LINGO1: variants seen among roughly 807,000 people sequenced by gnomAD.
LINGO1 encodes the protein leucine rich repeat and Ig domain containing 1, also known as leucine-rich repeat and immunoglobulin-like domain-containing nogo receptor-interacting protein 1.
Under a neutral mutation model 37.3 loss-of-function variants are expected in LINGO1, and 11 were observed. The observed-to-expected ratio is 0.29, with a 90% CI of 0.19 to 0.49. The LOEUF (loss-of-function observed/expected upper bound fraction) is 0.49. Ranked by LOEUF, LINGO1 falls within the 20% of genes least tolerant of loss-of-function variation. The pLI is 0.99. For missense variants in LINGO1, 585 were observed against 878.2 expected (o/e 0.67, Z 4.22); for synonymous variants, 387 against 403.0 (o/e 0.96, Z 0.48).
chr15:77,705,674 A>G (rs986796893), intron 2 of LINGO1, among the ~76,000 whole-genome samples: 6 of 152,202 alleles, frequency 3.9e-5, no homozygotes, highest in Admixed American at 3.9e-4. Context: ...ACTTGGAGCT[A>G]ATTTTTTACT....
chr15:77,663,204 A>G (rs756850814), intron 3 of LINGO1, among the ~76,000 whole-genome samples: 7 of 152,212 alleles, frequency 4.6e-5, no homozygotes, highest in Admixed American at 1.3e-4. Context: ...GGTAGAAGGA[A>G]GCAGAGATGT....
At chr15:77,755,473 T>G (rs1047363498) in intron 1 of LINGO1, among the ~76,000 whole-genome samples, 1 of 152,252 alleles carries the variant, frequency 6.6e-6, no homozygotes, top group African/African-American at 2.4e-5. Context: ...TGATTTGTGC[T>G]GTCACGCTGA....
At chr15:77,654,144 T>C (rs1443583938) in intron 3 of LINGO1, among the ~76,000 whole-genome samples, 1 of 152,206 alleles carries the variant, frequency 6.6e-6, no homozygotes, top group Non-Finnish European at 1.5e-5. Flanking sequence ...TGGTAACTGA[T>C]GCACAGGTAG....
chr15:77,663,016 C>CG lies in LINGO1; in HGVS notation c.-13+14072dup, dbSNP rs562692037. 2.0e-5 allele frequency among the ~76,000 whole-genome samples: 3 copies of CG among 152,292 alleles called. 1 individual carries two copies. The South Asian group carries it at 6.2e-4, about 32-fold the overall frequency. On this transcript the variant is annotated intron_variant, in intron 3 of 3. Coordinates refer to the LINGO1 transcript ENST00000559893. Reference sequence around the variant, plus strand: ...CGCCTCTGGGGGAAGGTGGGGATGCCGGGGGTCACCCCCAACCTGACAGGC... The same window carrying CG: ...CGCCTCTGGGGGAAGGTGGGGATGCCGGGGGGTCACCCCCAACCTGACAGGC...
chr15:77,711,883 A>AGG (rs5813878), intron 2 of LINGO1, among the ~76,000 whole-genome samples: 95 of 150,506 alleles, frequency 6.3e-4, no homozygotes, highest in Middle Eastern at 3.4e-3. Context: ...CTCTCCTCTG[A>AGG]GGGGGGGGCA....
At chr15:77,630,972 C>A (rs926629666) in intron 1 of LINGO1, among the ~76,000 whole-genome samples, 30 of 152,220 alleles carry the variant, frequency 2.0e-4, no homozygotes, top group African/African-American at 7.0e-4. Context: ...CTGCTAGTGC[C>A]TTCCCAGAGG....
At chr15:77,657,979 C>T (rs892564132) in intron 3 of LINGO1, among the ~76,000 whole-genome samples, 8 of 152,230 alleles carry the variant, frequency 5.3e-5, no homozygotes, top group East Asian at 3.9e-4. Context: ...CTCTGCCGCC[C>T]GCCCAAGCTT....
chr15:77,743,333 G>A (rs1759644458), intron 1 of LINGO1, among the ~76,000 whole-genome samples: 2 of 152,142 alleles, frequency 1.3e-5, no homozygotes, highest in Non-Finnish European at 2.9e-5. Context: ...GAGCCCCAGG[G>A]CCCCTATGTA....
chr15:77,736,721 C>T lies in LINGO1; in HGVS notation c.-256-1668G>A, dbSNP rs1318129474. On this transcript the variant is annotated intron_variant, in intron 1 of 3. Coordinates refer to the LINGO1 transcript ENST00000561686. ...CCCAGGAGGTGGAGGCTACAGCGAGCTATGATCGTGCCACTGCACTCCCGC... is the reference window on the plus strand; with the variant it reads ...CCCAGGAGGTGGAGGCTACAGCGAGTTATGATCGTGCCACTGCACTCCCGC... 2.6e-5 allele frequency among the ~76,000 whole-genome samples: 4 copies of T among 152,302 alleles called. No homozygotes were observed. In the East Asian group the frequency reaches 7.7e-4, roughly 29 times the overall value.
intron 1 of LINGO1, among the ~76,000 whole-genome samples, chr15:77,763,181 A>G (rs1310211560): frequency 2.6e-5 from 4 of 152,174 alleles, no homozygotes; most frequent in Non-Finnish European, 5.9e-5. Context: ...ACGTCTCATT[A>G]ACATTCGCCT....
At chr15:77,729,272 G>C (rs2076132301) in intron 2 of LINGO1, among the ~76,000 whole-genome samples, 1 of 152,242 alleles carries the variant, frequency 6.6e-6, no homozygotes, top group Non-Finnish European at 1.5e-5. Flanking sequence ...CAAGGGCTGA[G>C]CTAGGCTCAG....
intron 1 of LINGO1, among the ~76,000 whole-genome samples, chr15:77,771,039 G>A (rs934989309): frequency 1.1e-4 from 16 of 152,184 alleles, no homozygotes; most frequent in Non-Finnish European, 2.2e-4. Flanking sequence ...GCACCTCAAA[G>A]TGAGGCAGGG....
upstream of LINGO1, among the ~76,000 whole-genome samples, chr15:77,635,733 C>A (rs550420191): frequency 2.7e-4 from 41 of 152,366 alleles, no homozygotes; most frequent in South Asian, 6.4e-3. Context: ...TCTCCCCAGA[C>A]TGAAATGACA....
At chr15:77,685,687 G>A (rs1398734289) in intron 2 of LINGO1, among the ~76,000 whole-genome samples, 1 of 117,650 alleles carries the variant, frequency 8.5e-6, no homozygotes, top group African/African-American at 4.0e-5. Context: ...GTGAGACCCC[G>A]TCTTAAAAAA....
chr15:77,809,601 C>T (rs984508367), intron 1 of LINGO1, among the ~76,000 whole-genome samples: 7 of 152,166 alleles, frequency 4.6e-5, no homozygotes, highest in African/African-American at 1.7e-4. Context: ...CCCCACAGCA[C>T]TGGGAGAGCA....
intron 1 of LINGO1, among the ~76,000 whole-genome samples, chr15:77,762,907 T>A (rs2076491474): frequency 6.6e-6 from 1 of 152,160 alleles, no homozygotes; most frequent in African/African-American, 2.4e-5. Context: ...CCTAAGGGAC[T>A]GAGGCTGATT....
At chr15:77,657,655 C>T (rs1020073800) in intron 3 of LINGO1, among the ~76,000 whole-genome samples, 1 of 152,108 alleles carries the variant, frequency 6.6e-6, no homozygotes, top group Admixed American at 6.5e-5. Flanking sequence ...AAGTAGGTCC[C>T]CTGCCTCCCT....
chr15:77,648,217 G>A (rs1306855150), intron 3 of LINGO1: 1 of 295,534 alleles, frequency 3.4e-6, no homozygotes, highest in African/African-American at 2.2e-5. Flanking sequence ...TACCATTGAA[G>A]GAGCACCGGC....
At position 77,615,235 on chromosome 15, in the gene LINGO1, G is replaced by T. The variant is rs1395605955; in HGVS notation, c.672C>A (p.His224Gln). ...AGTCCCGGATGGCATTGATGTTGAG[G>T]TGCCGGAGCCTCAGGACGATGAGGC... Reference protein sequence around the residue: ...LHGLIVLRLRHLNINAIRDYS... With the variant: ...LHGLIVLRLRQLNINAIRDYS... Residue 224 changes from histidine (H) to glutamine (Q), a missense_variant, in exon 2 of 2, where the codon CAC becomes CAA. Transcript: ENST00000355300. The T allele has an allele frequency of 2.5e-6, 4 of 1,613,860 alleles. No individual in the cohort carries two copies.
Sources: allele counts gnomAD v4.1 joint callset (sites outside exome capture counted in the v4.1 genomes callset), GRCh38; gene constraint gnomAD v4.1.1; transcripts MANE v1.5; gene names NCBI Gene and HGNC (gene_info 2026-07-23, HGNC 2026-07-21).